HERC3: variants seen among roughly 807,000 people sequenced by gnomAD.
HERC3 encodes probable E3 ubiquitin-protein ligase HERC3.
HERC3 carries 58 observed loss-of-function variants against 129.9 expected under a neutral mutation model. That is an observed-to-expected ratio of 0.45 (90% CI 0.36 to 0.56). HERC3 has a LOEUF of 0.56. HERC3 is among the 20% of genes least tolerant of loss of function. The pLI is 0.00. For synonymous variants in HERC3, 430 were observed against 451.0 expected, an observed-to-expected ratio of 0.95 and a Z score of 0.59; for missense variants, 835 against 1,244.2, an observed-to-expected ratio of 0.67 and a Z score of 4.95.
intron 3 of HERC3, among the ~76,000 whole-genome samples, chr4:88,606,257 T>C (rs1196499704): frequency 6.7e-6 from 1 of 150,360 alleles, no homozygotes; most frequent in East Asian, 1.9e-4. Flanking sequence ...TCTTTTCTTT[T>C]TTTTTTTTTT....
intron 3 of HERC3, among the ~76,000 whole-genome samples, chr4:88,628,779 C>CT (rs1175586993): frequency 6.6e-6 from 1 of 152,162 alleles, no homozygotes; most frequent in Non-Finnish European, 1.5e-5. Context: ...AATCTGCAGG[C>CT]TTGGGAATGA....
chr4:88,606,424 T>G (rs778800330), intron 3 of HERC3, among the ~76,000 whole-genome samples: 2 of 152,116 alleles, frequency 1.3e-5, no homozygotes, highest in Non-Finnish European at 2.9e-5. Flanking sequence ...TTTTTATTTT[T>G]TATCTTCTTA....
intron 3 of HERC3, among the ~76,000 whole-genome samples, chr4:88,607,545 C>T (rs1325554117): frequency 6.6e-6 from 1 of 152,084 alleles, no homozygotes; most frequent in African/African-American, 2.4e-5. Context: ...GTCACCGCAA[C>T]CTCCGCCTCC....
chr4:88,681,204 G>T lies in HERC3; in HGVS notation c.2386G>T (p.Gly796Ter). 1 of 1,614,032 alleles carries T rather than the reference G, an allele frequency of 6.2e-7. No homozygotes were observed. Among genetic ancestry groups the T allele is most frequent in the Non-Finnish European group, 8.5e-7 (1 of 1,179,934 alleles). The change falls in exon 21 of 26, where the codon GGA becomes TGA. Residue 796 changes from glycine (G) to a stop codon, truncating the protein, a stop_gained. Transcript: ENST00000402738. LOFTEE classifies it high-confidence loss of function. ...GTTTCACTTGATTGGTATAACCTGT[G>T]GACTAGCTATCTACAACTCCACTGT... ...NWFHLIGITC[G>*]LAIYNSTVVD... is the part of the protein sequence containing the mutation.
chr4:88,678,839 T>A (rs1246143967), intron 19 of HERC3, among the ~76,000 whole-genome samples: 2 of 152,248 alleles, frequency 1.3e-5, no homozygotes, highest in Admixed American at 6.5e-5. Flanking sequence ...AAATTCCTAA[T>A]AAGTAGCATC....
chr4:88,654,604 G>T (rs1729685915), intron 7 of HERC3, among the ~76,000 whole-genome samples: 1 of 149,850 alleles, frequency 6.7e-6, no homozygotes, highest in Non-Finnish European at 1.5e-5. Flanking sequence ...TTTAAAACAA[G>T]TCATTTAAAT....
the HERC3 span, among the ~76,000 whole-genome samples, chr4:88,573,341 ATAG>A: frequency 6.6e-6 from 1 of 152,226 alleles, no homozygotes; most frequent in Non-Finnish European, 1.5e-5. Flanking sequence ...CAGTCATTAT[ATAG>A]CCCAATCTCT....
At chr4:88,611,555 T>A (rs1038546790) in intron 3 of HERC3, among the ~76,000 whole-genome samples, 1 of 152,216 alleles carries the variant, frequency 6.6e-6, no homozygotes, top group Non-Finnish European at 1.5e-5. Context: ...CCCAGATTGG[T>A]TGACTTTGAA....
intron 3 of HERC3, among the ~76,000 whole-genome samples, chr4:88,614,966 G>C (rs1049350495): frequency 1.3e-5 from 2 of 152,168 alleles, no homozygotes; most frequent in Non-Finnish European, 2.9e-5. Flanking sequence ...GCAGTGAAGA[G>C]ATAGGTCACC....
Position 88,686,765 on chromosome 4 carries a change from G to GGGA in HERC3, c.2541_2543dup (p.Glu847dup). On this transcript the variant is annotated inframe_insertion, in exon 22 of 26. Transcript: ENST00000402738. ...CTCCAAGAGCTTTTAGATTACCCCG[G>GGGA]GGAGGATGTGGAGGAGACTTTCTGC... is the stretch of plus-strand genomic sequence containing the variant. 1 of 1,612,160 alleles carries GGGA rather than the reference G, an allele frequency of 6.2e-7. No individual in the cohort carries two copies. The highest frequency in any genetic ancestry group is 8.5e-7 in the Non-Finnish European group (1 of 1,178,398).
chr4:88,618,490 G>A (rs1052665307), intron 3 of HERC3, among the ~76,000 whole-genome samples: 1 of 152,142 alleles, frequency 6.6e-6, no homozygotes, highest in Non-Finnish European at 1.5e-5. Flanking sequence ...TAAAGCCTTT[G>A]CTACTCTTTC....
intron 23 of HERC3, among the ~76,000 whole-genome samples, chr4:88,688,259 G>A (rs1733691138): frequency 6.6e-6 from 1 of 152,196 alleles, no homozygotes. Context: ...TGTGGAGTGG[G>A]TACTGGTGTA....
At chr4:88,587,464 A>C (rs974030041), upstream of HERC3, among the ~76,000 whole-genome samples, 5 of 152,248 alleles carry the variant, frequency 3.3e-5, no homozygotes, top group East Asian at 9.6e-4. Flanking sequence ...ATGTAATGTC[A>C]CTGAACATAT....
intron 3 of HERC3, among the ~76,000 whole-genome samples, chr4:88,614,521 T>C (rs1424429526): frequency 6.6e-6 from 1 of 152,180 alleles, no homozygotes; most frequent in Non-Finnish European, 1.5e-5. Context: ...TAAATACAAA[T>C]ATGATCAAGG....
chr4:88,628,954 G>C (rs150363195), intron 3 of HERC3, among the ~76,000 whole-genome samples: 228 of 152,256 alleles, frequency 1.5e-3, no homozygotes, highest in African/African-American at 5.2e-3. Context: ...CGGTTGCATT[G>C]CTTGAGGCCA....
At chr4:88,645,403 A>G (rs1353343971) in intron 3 of HERC3, among the ~76,000 whole-genome samples, 1 of 152,150 alleles carries the variant, frequency 6.6e-6, no homozygotes, top group Non-Finnish European at 1.5e-5. Context: ...AAGTGGTGAA[A>G]GTTTAACCCT....
At chr4:88,700,920 C>CT (rs1735260913) in intron 23 of HERC3, among the ~76,000 whole-genome samples, 1 of 152,144 alleles carries the variant, frequency 6.6e-6, no homozygotes, top group South Asian at 2.1e-4. Flanking sequence ...TGGATATGGC[C>CT]TACCCACATT....
At chr4:88,614,880 A>C (rs991560467) in intron 3 of HERC3, among the ~76,000 whole-genome samples, 5 of 152,204 alleles carry the variant, frequency 3.3e-5, no homozygotes, top group African/African-American at 1.2e-4. Context: ...AGATATACCC[A>C]AAAAGGTTAT....
chr4:88,700,336 A>G (rs1315303334), intron 23 of HERC3, among the ~76,000 whole-genome samples: 4 of 152,032 alleles, frequency 2.6e-5, no homozygotes, highest in Non-Finnish European at 4.4e-5. Context: ...TCATACAGTA[A>G]ATGTACGCTT....
Sources: allele counts gnomAD v4.1 joint callset (sites outside exome capture counted in the v4.1 genomes callset), GRCh38; gene constraint gnomAD v4.1.1; transcripts MANE v1.5; gene names NCBI Gene and HGNC (gene_info 2026-07-23, HGNC 2026-07-21).